The following CNTN5 variants were observed in gnomAD, a reference collection of about 807,000 sequenced individuals.
CNTN5 encodes the protein contactin 5.
CNTN5 carries 77 observed loss-of-function variants against 129.1 expected under a neutral mutation model. The ratio of observed to expected loss-of-function variants is 0.60; its 90% confidence interval spans 0.50 to 0.72. CNTN5 has a LOEUF of 0.72. Among genes scored for constraint, CNTN5 ranks in the 30% least tolerant of loss-of-function variants. The pLI is 0.00. For synonymous variants in CNTN5, 509 were observed against 465.6 expected (o/e 1.09, Z -1.20); for missense variants, 1,478 against 1,328.8 (o/e 1.11, Z -1.75).
At position 99,972,193 on chromosome 11, in the gene CNTN5, G is replaced by A. The variant is rs574858246; in HGVS notation, c.877+15184G>A. Among the ~76,000 whole-genome samples, 11 of 152,010 alleles carry A rather than the reference G, an allele frequency of 7.2e-5. 1 individual carries two copies. Among genetic ancestry groups the A allele is most frequent in the Admixed American group, 5.9e-4 (9 of 15,270 alleles). On this transcript the variant is annotated intron_variant, in intron 8 of 24. Transcript: ENST00000524871. ...GGAGAATGGCGTGAACCCGGGAGGC[G>A]GAGCTTGCCGTGAGCCGAGATTGCG...
At chr11:99,518,352 G>A (rs1591202758) in intron 2 of CNTN5, among the ~76,000 whole-genome samples, 1 of 152,128 alleles carries the variant, frequency 6.6e-6, no homozygotes, top group East Asian at 1.9e-4. Context: ...GTATTTAACC[G>A]ATAAAACAGA....
chr11:100,069,606 A>G (rs1209375998), intron 10 of CNTN5, among the ~76,000 whole-genome samples: 2 of 152,224 alleles, frequency 1.3e-5, no homozygotes, highest in Admixed American at 6.5e-5. Context: ...ACTATGTAGC[A>G]TATATGAAAC....
chr11:100,144,247 G>A (rs1348757399), intron 13 of CNTN5, among the ~76,000 whole-genome samples: 1 of 151,666 alleles, frequency 6.6e-6, no homozygotes, highest in East Asian at 1.9e-4. Context: ...ATATTCAGTG[G>A]GTACATGTGC....
intron 2 of CNTN5, among the ~76,000 whole-genome samples, chr11:99,441,796 T>A (rs1943840061): frequency 6.6e-6 from 1 of 152,324 alleles, no homozygotes; most frequent in African/African-American, 2.4e-5. Context: ...GGCTCAGAAC[T>A]CTTTTTTTTT....
chr11:100,227,822 G>C (rs1285440635), intron 16 of CNTN5, among the ~76,000 whole-genome samples: 1 of 152,136 alleles, frequency 6.6e-6, no homozygotes, highest in African/African-American at 2.4e-5. Context: ...TTAAAGATGA[G>C]TAGAACTCGA....
chr11:99,085,149 A>G (rs963116031), intron 1 of CNTN5, among the ~76,000 whole-genome samples: 9 of 151,736 alleles, frequency 5.9e-5, no homozygotes, highest in Admixed American at 1.3e-4. Flanking sequence ...GGTTGAAGCC[A>G]TTCTCCTGCT....
intron 1 of CNTN5, among the ~76,000 whole-genome samples, chr11:99,088,202 C>T (rs1035470348): frequency 2.0e-5 from 3 of 152,096 alleles, no homozygotes; most frequent in African/African-American, 7.2e-5. Flanking sequence ...TCTATGTTCT[C>T]CTAGTGCACT....
At position 99,844,969 on chromosome 11, in the gene CNTN5, G is replaced by C. The variant is rs577549789; in HGVS notation, c.395G>C (p.Ser132Thr). Residue 132 changes from serine (S) to threonine (T), a missense_variant, in exon 5 of 25, where the codon AGT (serine) becomes ACT (threonine). Coordinates refer to ENST00000524871, the MANE Select transcript of CNTN5 (RefSeq NM_014361.4). Reference protein sequence around the residue: ...NCEVRGNPVPSYRWLRNGTEI... With the variant: ...NCEVRGNPVPTYRWLRNGTEI... Reference sequence around the variant, plus strand: ...GAAGTTCGTGGCAATCCAGTTCCCAGTTACAGGTAGGAATTCACTGTTAAT... The same window carrying C: ...GAAGTTCGTGGCAATCCAGTTCCCACTTACAGGTAGGAATTCACTGTTAAT... 1.2e-6 allele frequency: 2 copies of C among 1,613,034 alleles called. No homozygotes were observed. The highest frequency in any genetic ancestry group is 1.3e-5 in the African/African-American group (1 of 74,862).
At chr11:99,167,853 A>G (rs1417357894) in intron 1 of CNTN5, among the ~76,000 whole-genome samples, 6 of 152,140 alleles carry the variant, frequency 3.9e-5, no homozygotes, top group Admixed American at 6.6e-5. Context: ...CTTGAATATC[A>G]ACAGCTATAT....
At chr11:99,157,304 A>C in intron 1 of CNTN5, among the ~76,000 whole-genome samples, 1 of 152,026 alleles carries the variant, frequency 6.6e-6, no homozygotes, top group East Asian at 1.9e-4. Flanking sequence ...TTATTCTAGT[A>C]ATTTCTTTTA....
intron 13 of CNTN5, 66 bp downstream of exon 13, chr11:100,074,360 A>G: frequency 1.5e-6 from 2 of 1,311,606 alleles, no homozygotes; most frequent in South Asian, 1.3e-5. Context: ...TGACACACAC[A>G]AACTATGCAA....
chr11:99,488,252 A>C (rs374140993), intron 2 of CNTN5, among the ~76,000 whole-genome samples: 19 of 148,778 alleles, frequency 1.3e-4, no homozygotes, highest in African/African-American at 4.7e-4. Context: ...GGCTCACTGG[A>C]ACCTCCATCT....
intron 3 of CNTN5, among the ~76,000 whole-genome samples, chr11:99,731,692 A>G (rs573279642): frequency 2.0e-5 from 3 of 152,184 alleles, no homozygotes; most frequent in Non-Finnish European, 4.4e-5. Flanking sequence ...TGACAATTTC[A>G]TTCTGACCTT....
chr11:99,837,752 T>C (rs1245305901), intron 4 of CNTN5, among the ~76,000 whole-genome samples: 2 of 150,780 alleles, frequency 1.3e-5, no homozygotes, highest in African/African-American at 2.4e-5. Context: ...ATTACACTAA[T>C]ATAATTTTAA....
chr11:99,578,193 G>A (rs11220526), intron 3 of CNTN5, among the ~76,000 whole-genome samples: 9,889 of 152,060 alleles, frequency 0.065, 566 homozygotes, highest in East Asian at 0.29. Flanking sequence ...ATTCCATGGT[G>A]TATATGTGCC....
intron 3 of CNTN5, among the ~76,000 whole-genome samples, chr11:99,639,047 A>G (rs1394701264): frequency 6.6e-6 from 1 of 152,230 alleles, no homozygotes; most frequent in Non-Finnish European, 1.5e-5. Flanking sequence ...TTGCCTGTGC[A>G]TCCAAGAGTT....
rs547861911 is a variant in CNTN5, at chr11:99,759,861, A to C, written c.56-59683A>C. ...AAAATTGGTTGGCTATTGGAACATGAAGAACACGTGAAATATTTAGGGTAA... is the reference window on the plus strand; with the variant it reads ...AAAATTGGTTGGCTATTGGAACATGCAGAACACGTGAAATATTTAGGGTAA... On this transcript the variant is annotated intron_variant, in intron 3 of 24. Coordinates refer to ENST00000524871, the MANE Select transcript of CNTN5 (RefSeq NM_014361.4). 7.2e-4 allele frequency among the ~76,000 whole-genome samples: 110 copies of C among 152,256 alleles called. 1 individual carries two copies. Among genetic ancestry groups the C allele is most frequent in the African/African-American group, 2.6e-3 (107 of 41,576 alleles).
At chr11:99,940,070 T>G (rs1950401212) in intron 7 of CNTN5, among the ~76,000 whole-genome samples, 1 of 152,094 alleles carries the variant, frequency 6.6e-6, no homozygotes, top group Admixed American at 6.6e-5. Context: ...TTTAATTTCT[T>G]TAATAGGAGC....
At position 100,299,263 on chromosome 11, in the gene CNTN5, T is replaced by C. The variant is rs1158648593; in HGVS notation, c.2487T>C (p.Ser829=). 3 of 1,610,588 alleles carry C rather than the reference T, an allele frequency of 1.9e-6. No individual in the cohort carries two copies. The highest frequency in any genetic ancestry group is 2.7e-5 in the African/African-American group (2 of 74,674). ...GGAAGGAAAAAATGGTGACATCCTC[T>C]GAAGCTTCCAAATTCATTTATCGAG... is the stretch of plus-strand genomic sequence containing the variant. The part of the protein sequence containing the change: ...RGWKEKMVTS[S]EASKFIYRDE... Residue 829 remains serine, a synonymous_variant, in exon 20 of 25, where the codon TCT becomes TCC. Transcript: ENST00000524871.
Sources: allele counts gnomAD v4.1 joint callset (sites outside exome capture counted in the v4.1 genomes callset), GRCh38; gene constraint gnomAD v4.1.1; transcripts MANE v1.5; gene names NCBI Gene and HGNC (gene_info 2026-07-23, HGNC 2026-07-21).